Variants in GK5 observed in about 807,000 individuals in gnomAD.
The protein encoded by GK5 is ATP:glycerol 3-phosphotransferase 5.
GK5 carries 39 observed loss-of-function variants against 77.3 expected under a neutral mutation model. That is an observed-to-expected ratio of 0.50 (90% CI 0.39 to 0.66). GK5 has a LOEUF of 0.66. Among genes scored for constraint, GK5 ranks in the 30% least tolerant of loss-of-function variants. GK5 has a pLI of 0.00. For missense variants in GK5, 487 were observed against 633.8 expected, an observed-to-expected ratio of 0.77 and a Z score of 2.49; for synonymous variants, 211 against 208.0, an observed-to-expected ratio of 1.01 and a Z score of -0.13.
Position 142,225,526 on chromosome 3 carries a change from G to C in GK5, c.-71C>G. On this transcript the variant is annotated 5_prime_UTR_variant, in exon 1 of 16. Transcript: ENST00000392993. Reference sequence around the variant, plus strand: ...GCGCTACAAATCCCAATGCTCCAGAGTCCCCGGGCGGCCCAACCCGGGCCC... The same window carrying C: ...GCGCTACAAATCCCAATGCTCCAGACTCCCCGGGCGGCCCAACCCGGGCCC... 6.5e-7 allele frequency: 1 copy of C among 1,530,398 alleles called. No homozygotes were observed. Among genetic ancestry groups the C allele is most frequent in the Middle Eastern group, 2.2e-4 (1 of 4,590 alleles). The allele number at this position is 1,530,398 out of a possible 1,614,324, so 94.8% of individuals were successfully genotyped here.
intron 4 of GK5, among the ~76,000 whole-genome samples, chr3:142,199,257 T>C (rs1396625097): frequency 6.6e-6 from 1 of 152,134 alleles, no homozygotes; most frequent in African/African-American, 2.4e-5. Context: ...AAGGAGAGAA[T>C]CTAGGAAGGA....
At chr3:142,220,036 T>C (rs1045349632) in intron 1 of GK5, among the ~76,000 whole-genome samples, 14 of 152,226 alleles carry the variant, frequency 9.2e-5, no homozygotes, top group Admixed American at 2.6e-4. Context: ...CTTAAACATA[T>C]GCATGTATCT....
chr3:142,160,551 A>G lies in GK5; in HGVS notation c.*5071T>C, dbSNP rs1257498636. On this transcript the variant is annotated 3_prime_UTR_variant, in exon 16 of 16. Coordinates refer to ENST00000392993, the MANE Select transcript of GK5 (RefSeq NM_001039547.3). ...TGAAGTTCCTTCCCTATAGCACCAG[A>G]GTGTTTCGCACTCTTAAAATTCAAT... is the stretch of plus-strand genomic sequence containing the variant. 6.6e-6 allele frequency: 1 copy of G among 152,174 alleles called. No individual in the cohort carries two copies. The highest frequency in any genetic ancestry group is 6.6e-5 in the Admixed American group (1 of 15,266). The allele number at this position is 152,174 out of a possible 1,614,324, so 9.4% of individuals were successfully genotyped here. A position where few individuals can be genotyped will look rare whatever the true frequency, so the allele number is the denominator to read the frequency against.
rs140607865 is a variant in GK5, at chr3:142,181,412, T to C, written c.1048+49A>G. The C allele has an allele frequency of 5.7e-3, 6,330 of 1,108,144 alleles. 17 individuals carry two copies. The highest frequency in any genetic ancestry group is 6.9e-3 in the Non-Finnish European group (5,146 of 747,544). 68.6% of individuals were successfully genotyped at this position (1,108,144 alleles called of 1,614,324 possible). On this transcript the variant is annotated intron_variant, in intron 11 of 15. Transcript: ENST00000392993. Reference sequence around the variant, plus strand: ...ACTAATCTGCAATCCTGTGGCATTCTTGAATTCTTTAGGTCTGGCTTGTGA... The same window carrying C: ...ACTAATCTGCAATCCTGTGGCATTCCTGAATTCTTTAGGTCTGGCTTGTGA...
rs2064282882 is a variant in GK5 at position 142,216,920 on chromosome 3, G to A, written c.148-1228C>T. The stretch of plus-strand genomic sequence containing the variant: ...AAACTGCAGTCAGAAGACTGAATTT[G>A]TAGCCTGAACCCAAATGCAATAAAT... On this transcript the variant is annotated intron_variant, in intron 1 of 15. Transcript: ENST00000392993. 2.0e-5 allele frequency among the ~76,000 whole-genome samples: 3 copies of A among 152,170 alleles called. No individual in the cohort carries two copies. The South Asian group carries it at 6.2e-4, about 32-fold the overall frequency.
In GK5 at chr3:142,215,018, G is replaced by A. The variant is rs2064252534; in HGVS notation, c.241+581C>T. On this transcript the variant is annotated intron_variant, in intron 2 of 15. Transcript: ENST00000392993. ...AAGATGAGAAGAAGCAGTTCAGCCA[G>A]AAAAATGAAGTAAAAGATCTTTCAG... Among the ~76,000 whole-genome samples the A allele has an allele frequency of 2.6e-5, 4 of 152,292 alleles. No homozygotes were observed. The South Asian group carries it at 8.3e-4, about 32-fold the overall frequency.
intron 5 of GK5, among the ~76,000 whole-genome samples, chr3:142,189,710 C>T (rs1369711808): frequency 6.6e-6 from 1 of 152,172 alleles, no homozygotes; most frequent in Admixed American, 6.5e-5. Context: ...CTAAGGACTG[C>T]AAATGGCTCT....
rs530609306 is a variant in GK5, at chr3:142,172,348, C to A, written c.1247+5G>T. On this transcript the variant is annotated splice_donor_5th_base_variant and intron_variant, in intron 13 of 15. Transcript: ENST00000392993. ...GAAGGGGAAGTTTAGGGCAGGTTTT[C>A]ATACCTGAAAGCTATTGACTCCAAT... 6.0e-6 allele frequency: 9 copies of A among 1,503,094 alleles called. No individual in the cohort carries two copies. In the African/African-American group the frequency reaches 1.1e-4, roughly 18 times the overall value. 93.1% of individuals were successfully genotyped at this position (1,503,094 alleles called of 1,614,324 possible). A position where few individuals can be genotyped will look rare whatever the true frequency, so the allele number is the denominator to read the frequency against.
intron 3 of GK5, among the ~76,000 whole-genome samples, chr3:142,206,421 CTT>C (rs2064108127): frequency 6.6e-6 from 1 of 152,208 alleles, no homozygotes; most frequent in Admixed American, 6.5e-5. Flanking sequence ...CTCACCAACA[CTT>C]GTTATCTTCC....
intron 9 of GK5, 77 bp downstream of exon 9, chr3:142,185,852 A>C (rs2063763196): frequency 2.6e-6 from 4 of 1,555,870 alleles, no homozygotes; most frequent in Non-Finnish European, 3.5e-6. Context: ...TGTTTCTCTT[A>C]AAGCTAGTCT....
chr3:142,200,383 G>C (rs2064002674), intron 4 of GK5, among the ~76,000 whole-genome samples: 1 of 152,088 alleles, frequency 6.6e-6, no homozygotes, highest in Non-Finnish European at 1.5e-5. Context: ...GGCCAGGCTG[G>C]TCTCGAACTC....
intron 2 of GK5, 125 bp downstream of exon 2, chr3:142,215,474 C>T (rs1276187879): frequency 3.9e-6 from 2 of 519,158 alleles, no homozygotes; most frequent in Admixed American, 3.7e-5. Flanking sequence ...TACTGGGAAA[C>T]TGTAATCCCA....
At chr3:142,177,335 A>T in intron 12 of GK5, 147 bp downstream of exon 12, 1 of 585,694 alleles carries the variant, frequency 1.7e-6, no homozygotes, top group Non-Finnish European at 3.1e-6. Flanking sequence ...TGGTCAGAGC[A>T]TAACTTCTCA....
At chr3:142,196,569 T>C (rs2063936284) in intron 5 of GK5, among the ~76,000 whole-genome samples, 1 of 152,174 alleles carries the variant, frequency 6.6e-6, no homozygotes, top group Non-Finnish European at 1.5e-5. Context: ...GATTTCTCCT[T>C]GGACCCTTTG....
Position 142,159,845 on chromosome 3 carries a change from C to CTTTTTTTTTTTTTTTTTT in GK5, c.*5776_*5777insAAAAAAAAAAAAAAAAAA, listed in dbSNP as rs1560204229. The CTTTTTTTTTTTTTTTTTT allele has an allele frequency of 9.5e-6, 1 of 104,714 alleles. No individual in the cohort carries two copies. Among genetic ancestry groups the CTTTTTTTTTTTTTTTTTT allele is most frequent in the African/African-American group, 4.2e-5 (1 of 24,020 alleles). The allele number at this position is 104,714 out of a possible 1,614,324, so 6.5% of individuals were successfully genotyped here. A position where few individuals can be genotyped will look rare whatever the true frequency, so the allele number is the denominator to read the frequency against. On this transcript the variant is annotated 3_prime_UTR_variant, in exon 16 of 16. Transcript: ENST00000392993. Reference sequence around the variant, plus strand: ...TTTGGGGCTTTCTCTCTCTCTCTCTCTCTCTCTCTTTTTTTTTTTTGAGAC... The same window carrying CTTTTTTTTTTTTTTTTTT: ...TTTGGGGCTTTCTCTCTCTCTCTCTCTTTTTTTTTTTTTTTTTTTCTCTCTCTTTTTTTTTTTTGAGAC...
chr3:142,209,178 C>T (rs1244908307), intron 3 of GK5, among the ~76,000 whole-genome samples: 1 of 151,604 alleles, frequency 6.6e-6, no homozygotes, highest in Non-Finnish European at 1.5e-5. Flanking sequence ...AATAGAGGTG[C>T]CATGAGAGTA....
chr3:142,177,727 C>T (rs1235931166), intron 11 of GK5, 151 bp from the exon 12 acceptor site: 2 of 596,512 alleles, frequency 3.4e-6, no homozygotes, highest in East Asian at 2.8e-5. Flanking sequence ...AGGGTCAGCA[C>T]AAAGACCATT....
intron 11 of GK5, 94 bp downstream of exon 11, chr3:142,181,367 G>T: frequency 4.9e-6 from 3 of 616,990 alleles, no homozygotes; most frequent in Non-Finnish European, 8.5e-6. Flanking sequence ...TGTTTCATTT[G>T]AACAATCCAT....
intron 5 of GK5, among the ~76,000 whole-genome samples, chr3:142,194,347 G>A (rs888556166): frequency 7.9e-5 from 12 of 151,986 alleles, no homozygotes; most frequent in Non-Finnish European, 1.0e-4. Context: ...CCAACATGGC[G>A]AAACCCCGTC....
Sources: allele counts gnomAD v4.1 joint callset (sites outside exome capture counted in the v4.1 genomes callset), GRCh38; gene constraint gnomAD v4.1.1; transcripts MANE v1.5; gene names NCBI Gene and HGNC (gene_info 2026-07-23, HGNC 2026-07-21).